Variants in IGF2BP3 observed in about 807,000 individuals in gnomAD.
The protein encoded by IGF2BP3 is insulin like growth factor 2 mRNA binding protein 3.
A neutral mutation model predicts 73.8 loss-of-function variants in IGF2BP3; 9 were observed. The ratio of observed to expected loss-of-function variants is 0.12; its 90% CI spans 0.07 to 0.21. The LOEUF (loss-of-function observed/expected upper bound fraction) is 0.21. Ranked by LOEUF, IGF2BP3 falls within the 10% of genes least tolerant of loss-of-function variation. The pLI, the probability that IGF2BP3 is intolerant of heterozygous loss-of-function variation, is 1.00. For synonymous variants in IGF2BP3, 258 were observed against 256.7 expected, an observed-to-expected ratio of 1.01 and a Z score of -0.05; for missense variants, 542 against 714.0, an observed-to-expected ratio of 0.76 and a Z score of 2.75.
chr7:23,320,131 T>C (rs1216443983), intron 10 of IGF2BP3, among the ~76,000 whole-genome samples: 20 of 151,950 alleles, frequency 1.3e-4, no homozygotes, highest in Non-Finnish European at 2.6e-4. Context: ...AGGCTGGTCT[T>C]GAACTCCTGA....
intron 3 of IGF2BP3, among the ~76,000 whole-genome samples, chr7:23,398,423 T>C (rs1786549266): frequency 6.6e-6 from 1 of 152,216 alleles, no homozygotes; most frequent in African/African-American, 2.4e-5. Context: ...TTTGGGTATA[T>C]ACCCAGTAAT....
intron 3 of IGF2BP3, among the ~76,000 whole-genome samples, chr7:23,367,277 C>T (rs529397156): frequency 1.8e-4 from 27 of 152,104 alleles, no homozygotes; most frequent in African/African-American, 6.3e-4. Context: ...AGTGTCCGGC[C>T]GCATTTTGCT....
intron 2 of IGF2BP3, among the ~76,000 whole-genome samples, chr7:23,432,282 T>C (rs1002987713): frequency 3.9e-5 from 6 of 152,238 alleles, no homozygotes; most frequent in African/African-American, 1.4e-4. Context: ...ACTCTCTTAC[T>C]ACTATTGTTT....
At chr7:23,372,796 T>C (rs1351221050) in intron 3 of IGF2BP3, among the ~76,000 whole-genome samples, 2 of 152,324 alleles carry the variant, frequency 1.3e-5, no homozygotes, top group African/African-American at 4.8e-5. Flanking sequence ...ATTTGAGTGC[T>C]TTCTGGCAGC....
chr7:23,466,327 G>GCT (rs1177458956), intron 2 of IGF2BP3, among the ~76,000 whole-genome samples: 1 of 152,118 alleles, frequency 6.6e-6, no homozygotes, highest in Non-Finnish European at 1.5e-5. Flanking sequence ...CCAGCCAAAG[G>GCT]CTCTACTTTT....
intron 10 of IGF2BP3, among the ~76,000 whole-genome samples, chr7:23,322,373 A>G (rs1294789638): frequency 1.3e-5 from 2 of 152,172 alleles, no homozygotes; most frequent in African/African-American, 4.8e-5. Context: ...TTTAGAGAAA[A>G]AAGAATAAAA....
Position 23,343,583 on chromosome 7 carries a change from CT to C in IGF2BP3, c.1077+134del, listed in dbSNP as rs1583911209. The C allele has an allele frequency of 1.5e-4, 115 of 787,740 alleles. No homozygotes were observed. In the East Asian group the frequency reaches 2.9e-3, roughly 20 times the overall value. The allele number at this position is 787,740 out of a possible 1,614,324, so 48.8% of individuals were successfully genotyped here. On this transcript the variant is annotated intron_variant, in intron 9 of 14. Coordinates refer to ENST00000258729, the MANE Select transcript of IGF2BP3 (RefSeq NM_006547.3). ...GTATCTTCCCTACTATCCCAGGGTA[CT>C]TGCTGAGGTGCTAAAAATCAACTAG...
At chr7:23,415,827 CTT>C (rs1037878123) in intron 3 of IGF2BP3, among the ~76,000 whole-genome samples, 8 of 152,200 alleles carry the variant, frequency 5.3e-5, no homozygotes, top group African/African-American at 1.9e-4. Flanking sequence ...TCTGGATTCT[CTT>C]TGTTCTTTCG....
At chr7:23,368,763 C>A (rs1326454065) in intron 3 of IGF2BP3, among the ~76,000 whole-genome samples, 1 of 151,770 alleles carries the variant, frequency 6.6e-6, no homozygotes, top group Admixed American at 6.6e-5. Flanking sequence ...CGGGCGTGGT[C>A]GCGCTTGCCT....
intron 3 of IGF2BP3, among the ~76,000 whole-genome samples, chr7:23,410,568 G>C (rs1030564008): frequency 6.6e-6 from 1 of 152,134 alleles, no homozygotes; most frequent in African/African-American, 2.4e-5. Flanking sequence ...CCCATCACCA[G>C]ATTACCTCTA....
chr7:23,325,810 A>G (rs1300227847), intron 10 of IGF2BP3, among the ~76,000 whole-genome samples: 1 of 152,198 alleles, frequency 6.6e-6, no homozygotes, highest in Non-Finnish European at 1.5e-5. Context: ...CAAACCTGAG[A>G]AAAACAAGCA....
chr7:23,442,624 C>T (rs945357621), intron 2 of IGF2BP3, among the ~76,000 whole-genome samples: 6 of 152,108 alleles, frequency 3.9e-5, no homozygotes, highest in African/African-American at 1.2e-4. Flanking sequence ...TCTCGAACTC[C>T]TGACCTCAGG....
chr7:23,383,240 T>C (rs1341343192), intron 3 of IGF2BP3, among the ~76,000 whole-genome samples: 2 of 152,324 alleles, frequency 1.3e-5, no homozygotes, highest in Admixed American at 6.5e-5. Flanking sequence ...GATGTTTACA[T>C]GCAGGCTAAC....
intron 3 of IGF2BP3, chr7:23,413,474 AC>A (rs1457903568): frequency 1.3e-5 from 2 of 152,052 alleles, no homozygotes; most frequent in Non-Finnish European, 2.9e-5. Flanking sequence ...AAAGAGCAAG[AC>A]TCCGTCTCAA....
chr7:23,390,562 A>G lies in IGF2BP3; in HGVS notation c.285+28214T>C, dbSNP rs557911245. On this transcript the variant is annotated intron_variant, in intron 3 of 14. Transcript: ENST00000258729. ...GTGGGAAGATTCAGACAGCAGGGCA[A>G]CCCCACTCCAGGACCTCCCACTCTG... 2.6e-5 allele frequency among the ~76,000 whole-genome samples: 4 copies of G among 152,166 alleles called. No individual in the cohort carries two copies. The East Asian group carries it at 7.7e-4, about 29-fold the overall frequency.
chr7:23,404,858 C>T (rs1432726317), intron 3 of IGF2BP3, among the ~76,000 whole-genome samples: 2 of 152,212 alleles, frequency 1.3e-5, no homozygotes, highest in East Asian at 1.9e-4. Context: ...CCTGTCACTC[C>T]CAATTGGTTT....
At chr7:23,397,047 C>T (rs1012386185) in intron 3 of IGF2BP3, among the ~76,000 whole-genome samples, 1 of 152,142 alleles carries the variant, frequency 6.6e-6, no homozygotes, top group African/African-American at 2.4e-5. Context: ...GTCTTCCATT[C>T]GACTATTCTG....
At chr7:23,337,882 T>C (rs540068963) in intron 10 of IGF2BP3, among the ~76,000 whole-genome samples, 24 of 152,282 alleles carry the variant, frequency 1.6e-4, no homozygotes, top group Admixed American at 3.3e-4. Flanking sequence ...TAGTTGGAGC[T>C]TGAGCAGTTA....
At chr7:23,363,572 C>A (rs1173923390) in intron 3 of IGF2BP3, among the ~76,000 whole-genome samples, 1 of 152,084 alleles carries the variant, frequency 6.6e-6, no homozygotes, top group Non-Finnish European at 1.5e-5. Flanking sequence ...AAGGTTAATA[C>A]CTATTTATGA....
Sources: gnomAD v4.1 joint callset for allele counts (sites outside exome capture counted in the v4.1 genomes callset) on GRCh38, gnomAD v4.1.1 for gene constraint, MANE v1.5 for transcripts, NCBI Gene and HGNC (gene_info 2026-07-23, HGNC 2026-07-21) for gene names.